The following CA7 variants were observed in gnomAD, a reference collection of about 807,000 sequenced individuals.
CA7 encodes carbonic anhydrase 7, also known as carbonate dehydratase VII.
A neutral mutation model predicts 31.4 loss-of-function variants in CA7; 13 were observed. The ratio of observed to expected loss-of-function variants is 0.41; its 90% CI spans 0.27 to 0.66. The LOEUF is 0.66. CA7 is among the 30% of genes least tolerant of loss of function. The pLI, the probability that CA7 is intolerant of heterozygous loss-of-function variation, is 0.28. For missense variants in CA7, 215 were observed against 351.0 expected (o/e 0.61, Z 3.10); for synonymous variants, 128 against 133.2 (o/e 0.96, Z 0.27).
chr16:66,852,171 G>C (rs1247869677), intron 5 of CA7, among the ~76,000 whole-genome samples: 2 of 152,242 alleles, frequency 1.3e-5, no homozygotes, highest in East Asian at 1.9e-4. Context: ...TGATAGAAAT[G>C]GGTGGAGAAT....
chr16:66,847,219 A>G lies in CA7; in HGVS notation c.230A>G (p.Asp77Gly). 6.2e-7 allele frequency: 1 copy of G among 1,614,138 alleles called. No individual in the cohort carries two copies. The highest frequency in any genetic ancestry group is 8.5e-7 in the Non-Finnish European group (1 of 1,180,010). Residue 77 changes from aspartate (D) to glycine (G), a missense_variant, in exon 2 of 7, where the codon GAC (aspartate) becomes GGC (glycine). Coordinates refer to ENST00000338437, the MANE Select transcript of CA7 (RefSeq NM_005182.3). ...SVQVDFNDSD[D>G]RTVVTGGPLE... ...CAGGTAGACTTCAATGACAGCGATG[A>G]CCGAACCGGTAAGTGGCCCCTGCCA...
chr16:66,852,160 C>T (rs951021822), intron 5 of CA7, among the ~76,000 whole-genome samples: 2 of 152,092 alleles, frequency 1.3e-5, no homozygotes, highest in African/African-American at 4.8e-5. Context: ...CTAAATCCTG[C>T]TGATAGAAAT....
At chr16:66,845,165 A>C (rs1221224459) in intron 1 of CA7, 2 of 985,508 alleles carry the variant, frequency 2.0e-6, no homozygotes, top group Non-Finnish European at 2.4e-6. Flanking sequence ...TCCTGGGCTG[A>C]CGCGGAAGAG....
intron 1 of CA7, among the ~76,000 whole-genome samples, chr16:66,845,641 G>C (rs901790740): frequency 1.3e-5 from 2 of 152,102 alleles, no homozygotes; most frequent in Non-Finnish European, 2.9e-5. Flanking sequence ...GAGAGGGAGA[G>C]ACAGGCAGAC....
Position 66,853,280 on chromosome 16 carries a change from G to C in CA7, c.673-96G>C. 2.0e-6 allele frequency: 3 copies of C among 1,492,576 alleles called. No individual in the cohort carries two copies. Among genetic ancestry groups the C allele is most frequent in the Non-Finnish European group, 2.8e-6 (3 of 1,080,950 alleles). 92.5% of individuals were successfully genotyped at this position (1,492,576 alleles called of 1,614,324 possible). On this transcript the variant is annotated intron_variant, in intron 6 of 6. Coordinates refer to ENST00000338437, the MANE Select transcript of CA7 (RefSeq NM_005182.3). This position sits in a 1 kb window ranked among gnomAD's most constrained non-coding sequence, Gnocchi z 4.5. Reference sequence around the variant, plus strand: ...CTAAGGGAAGGAGGAGGGAGGGGTAGAGCTGGCTGGGCAGGTATGCCAGAT... The same window carrying C: ...CTAAGGGAAGGAGGAGGGAGGGGTACAGCTGGCTGGGCAGGTATGCCAGAT...
intron 5 of CA7, among the ~76,000 whole-genome samples, chr16:66,852,008 G>A (rs1961065802): frequency 6.6e-6 from 1 of 152,184 alleles, no homozygotes; most frequent in East Asian, 1.9e-4. Context: ...AGGCAAGGGA[G>A]GGAAGATCGT....
intron 1 of CA7, chr16:66,845,076 G>A: frequency 1.0e-6 from 1 of 985,824 alleles, no homozygotes; most frequent in Non-Finnish European, 1.2e-6. Context: ...GCGCAAGCAT[G>A]TGTCTGGGTG....
intron 5 of CA7, among the ~76,000 whole-genome samples, chr16:66,852,492 GAA>G (rs1489081396): frequency 1.5e-5 from 2 of 135,702 alleles, no homozygotes; most frequent in Non-Finnish European, 3.1e-5. Context: ...AAGAAAGAAA[GAA>G]AGAGAGAGAG....
intron 1 of CA7, among the ~76,000 whole-genome samples, chr16:66,845,564 G>C (rs1383377689): frequency 6.6e-6 from 1 of 152,100 alleles, no homozygotes; most frequent in African/African-American, 2.4e-5. Flanking sequence ...TTTTGGAAGA[G>C]AACCCCCAGA....
chr16:66,850,428 G>A (rs530390035), intron 2 of CA7, 113 bp from the exon 3 acceptor site: 42 of 722,920 alleles, frequency 5.8e-5, no homozygotes, highest in Non-Finnish European at 7.8e-5. Context: ...GCAACAGAGC[G>A]AGACCCTGAC....
At chr16:66,844,901 G>T in intron 1 of CA7, 1 of 1,050,016 alleles carries the variant, frequency 9.5e-7, no homozygotes, top group Admixed American at 5.5e-5. Context: ...GCCGCGGAGC[G>T]CTGTGCGCGG....
chr16:66,844,796 T>G, intron 1 of CA7: 3 of 782,518 alleles, frequency 3.8e-6, no homozygotes, highest in Non-Finnish European at 5.3e-6. Context: ...AAGCCCCTGA[T>G]TGCCCAGCCC....
intron 2 of CA7, among the ~76,000 whole-genome samples, chr16:66,848,354 G>A (rs879142542): frequency 2.6e-5 from 4 of 152,150 alleles, no homozygotes; most frequent in African/African-American, 9.7e-5. Flanking sequence ...GGCTCTAGCT[G>A]ACCCTAGATG....
chr16:66,853,703 A>G lies in CA7; in HGVS notation c.*205A>G, dbSNP rs989322141. The stretch of plus-strand genomic sequence containing the variant: ...CAGCTGCCCTGGGGACAGGAAGGAC[A>G]GGAGCTAAGCAGGGTCCAAGCCTGG... On this transcript the variant is annotated 3_prime_UTR_variant, in exon 7 of 7. Coordinates refer to ENST00000338437, the MANE Select transcript of CA7 (RefSeq NM_005182.3). This position sits in a 1 kb window ranked among gnomAD's most constrained non-coding sequence, Gnocchi z 4.5. The G allele has an allele frequency of 1.3e-5, 8 of 632,882 alleles. No homozygotes were observed. The African/African-American group carries it at 1.3e-4, about 10-fold the overall frequency. The allele number at this position is 632,882 out of a possible 1,614,324, so 39.2% of individuals were successfully genotyped here. A position where few individuals can be genotyped will look rare whatever the true frequency, so the allele number is the denominator to read the frequency against.
intron 1 of CA7, chr16:66,845,265 G>A: frequency 2.0e-6 from 2 of 982,976 alleles, no homozygotes; most frequent in Non-Finnish European, 2.4e-6. Flanking sequence ...GTGTGGGTCT[G>A]GGGCAGTCAA....
At position 66,853,852 on chromosome 16, in the gene CA7, G is replaced by C. The variant is rs1961118115; in HGVS notation, c.*354G>C. 2 of 239,286 alleles carry C rather than the reference G, an allele frequency of 8.4e-6. No individual in the cohort carries two copies. The highest frequency in any genetic ancestry group is 1.6e-5 in the Non-Finnish European group (2 of 121,352). 14.8% of individuals were successfully genotyped at this position (239,286 alleles called of 1,614,324 possible). A position where few individuals can be genotyped will look rare whatever the true frequency, so the allele number is the denominator to read the frequency against. ...GGAGGAGACTGAGCTCCCTGGGGCG[G>C]GCAGCTGACACTACCAGAGAGACTC... On this transcript the variant is annotated 3_prime_UTR_variant, in exon 7 of 7. Transcript: ENST00000338437. The surrounding 1 kb of genome is among the most constrained non-coding windows in gnomAD (Gnocchi z 4.5).
At chr16:66,844,756 T>C (rs1317082837) in intron 1 of CA7, among the ~76,000 whole-genome samples, 1 of 152,240 alleles carries the variant, frequency 6.6e-6, no homozygotes, top group Non-Finnish European at 1.5e-5. Context: ...GCAAGCGACC[T>C]GGCGGCTGTG....
At chr16:66,850,991 T>A (rs1199985244) in intron 3 of CA7, among the ~76,000 whole-genome samples, 1 of 152,088 alleles carries the variant, frequency 6.6e-6, no homozygotes, top group East Asian at 1.9e-4. Context: ...TCCCCTCACC[T>A]CTTCATACAC....
At chr16:66,846,754 G>A (rs757151643) in intron 1 of CA7, among the ~76,000 whole-genome samples, 16 of 152,184 alleles carry the variant, frequency 1.1e-4, no homozygotes, top group African/African-American at 1.7e-4. Context: ...GAGCCACCCC[G>A]AGCCTGTAGC....
Sources: allele counts gnomAD v4.1 joint callset (sites outside exome capture counted in the v4.1 genomes callset), GRCh38; gene constraint gnomAD v4.1.1; non-coding constraint Gnocchi (gnomAD v3.1); transcripts MANE v1.5; gene names NCBI Gene and HGNC (gene_info 2026-07-23, HGNC 2026-07-21).